The following CSMD1 variants were observed in gnomAD, a reference collection of about 807,000 sequenced individuals.
CSMD1 encodes the protein CUB and sushi domain-containing protein 1.
Under a neutral mutation model 417.5 loss-of-function variants are expected in CSMD1, and 213 were observed. The ratio of observed to expected loss-of-function variants is 0.51; its 90% CI spans 0.46 to 0.57. The LOEUF (loss-of-function observed/expected upper bound fraction) is 0.57, where lower values mean the gene tolerates loss of function less well. Ranked by LOEUF, CSMD1 falls within the 20% of genes least tolerant of loss-of-function variation. CSMD1 has a pLI of 0.00. For synonymous variants in CSMD1, 2,862 were observed against 1,736.8 expected, an observed-to-expected ratio of 1.65 and a Z score of -16.11; for missense variants, 6,923 against 4,529.7, an observed-to-expected ratio of 1.53 and a Z score of -15.17.
chr8:4,493,485 C>T (rs1263507419), intron 2 of CSMD1, among the ~76,000 whole-genome samples: 1 of 152,020 alleles, frequency 6.6e-6, no homozygotes, highest in African/African-American at 2.4e-5. Flanking sequence ...TGCTTGAGTC[C>T]AGGAGTTCAA....
chr8:3,923,127 A>T (rs1312327625), intron 5 of CSMD1, among the ~76,000 whole-genome samples: 1 of 152,170 alleles, frequency 6.6e-6, no homozygotes, highest in East Asian at 1.9e-4. Flanking sequence ...AACTCATTAA[A>T]AGAGAGCTAG....
chr8:3,845,215 C>T (rs948660146), intron 5 of CSMD1, among the ~76,000 whole-genome samples: 1 of 152,138 alleles, frequency 6.6e-6, no homozygotes, highest in Admixed American at 6.6e-5. Context: ...TATGCATCTC[C>T]TAACAATGGA....
At chr8:3,448,649 G>A (rs1238249274) in intron 12 of CSMD1, among the ~76,000 whole-genome samples, 2 of 152,052 alleles carry the variant, frequency 1.3e-5, no homozygotes, top group Non-Finnish European at 2.9e-5. Flanking sequence ...GAGCGGGGCA[G>A]CATGAGTGGA....
intron 6 of CSMD1, among the ~76,000 whole-genome samples, chr8:3,730,779 A>G (rs1273462745): frequency 6.6e-6 from 1 of 152,162 alleles, no homozygotes; most frequent in Admixed American, 6.5e-5. Flanking sequence ...CTCAGAGGTG[A>G]TACCCTTAAC....
rs529651492 is a variant in CSMD1 at position 4,612,182 on chromosome 8, TA to T, written c.302+25159del. Among the ~76,000 whole-genome samples the T allele has an allele frequency of 8.5e-3, 1,287 of 152,034 alleles. 10 individuals are homozygous for T. Among genetic ancestry groups the T allele is most frequent in the Non-Finnish European group, 0.014 (924 of 67,974 alleles). ...GGTCGGTGGCTTGAACGCTGAGTGC[TA>T]AAAAAAACTGGCTGCAGGCACACTG... On this transcript the variant is annotated intron_variant, in intron 2 of 69. Transcript: ENST00000635120.
chr8:3,861,629 C>G (rs1318549945), intron 5 of CSMD1, among the ~76,000 whole-genome samples: 1 of 152,122 alleles, frequency 6.6e-6, no homozygotes, highest in Non-Finnish European at 1.5e-5. Flanking sequence ...CTAGGTGAAG[C>G]TTGTTGTCTT....
chr8:4,876,583 T>C (rs1803055412), intron 1 of CSMD1, among the ~76,000 whole-genome samples: 1 of 152,158 alleles, frequency 6.6e-6, no homozygotes, highest in Admixed American at 6.5e-5. Context: ...TGCTTATTCA[T>C]AATATAGCCT....
rs1050189982 is a variant in CSMD1 at position 3,359,339 on chromosome 8, T to G, written c.3117A>C (p.Glu1039Asp). 3.7e-6 allele frequency: 6 copies of G among 1,612,846 alleles called. No homozygotes were observed. Among genetic ancestry groups the G allele is most frequent in the Admixed American group, 1.7e-5 (1 of 59,910 alleles). ...GATCATCACATGGCTCCAGGTCATA[T>G]TCTGAGGCATGCAGAGACAGAGTAA... ...SYEGFNITFS[E>D]YDLEPCDDPG... is the part of the protein sequence containing the mutation. The change falls in exon 21 of 70, where the codon GAA (glutamate) becomes GAC (aspartate). Residue 1039 changes from glutamate to aspartate, a missense_variant and splice_region_variant. Transcript: ENST00000635120.
chr8:3,351,248 T>C (rs1808401543), intron 21 of CSMD1, among the ~76,000 whole-genome samples: 1 of 152,158 alleles, frequency 6.6e-6, no homozygotes. Context: ...TCTAGGGTAG[T>C]GTGGCACAGG....
intron 2 of CSMD1, among the ~76,000 whole-genome samples, chr8:4,460,206 A>G (rs1267925011): frequency 6.6e-6 from 1 of 152,198 alleles, no homozygotes; most frequent in Admixed American, 6.5e-5. Flanking sequence ...GAGAAATAAT[A>G]GAATACGTGG....
intron 6 of CSMD1, among the ~76,000 whole-genome samples, chr8:3,729,430 G>C (rs1385271234): frequency 6.6e-6 from 1 of 152,138 alleles, no homozygotes; most frequent in African/African-American, 2.4e-5. Context: ...GTTAAAAGAG[G>C]GATATAATAT....
rs540071379 is a variant in CSMD1, at chr8:3,924,457, A to G, written c.818+73446T>C. Among the ~76,000 whole-genome samples the G allele has an allele frequency of 1.4e-4, 21 of 152,184 alleles. No homozygotes were observed. The East Asian group carries it at 3.5e-3, about 25-fold the overall frequency. ...TTGTCATTATTCCTCTAAGAAATTT[A>G]TCTTTCTCTGTTTCTTCTGAGACTT... On this transcript the variant is annotated intron_variant, in intron 5 of 69. Transcript: ENST00000635120.
At chr8:4,185,138 C>CAAAA (rs56216926) in intron 3 of CSMD1, among the ~76,000 whole-genome samples, 2 of 75,116 alleles carry the variant, frequency 2.7e-5, no homozygotes, top group African/African-American at 1.1e-4. Flanking sequence ...AATTTTGCCT[C>CAAAA]AAAAAAAAAA....
At chr8:3,082,673 C>T (rs1319013646) in intron 49 of CSMD1, among the ~76,000 whole-genome samples, 1 of 152,214 alleles carries the variant, frequency 6.6e-6, no homozygotes, top group Non-Finnish European at 1.5e-5. Flanking sequence ...TTCAGACCCA[C>T]AGCAACAACC....
intron 5 of CSMD1, among the ~76,000 whole-genome samples, chr8:3,875,635 G>C (rs13250531): frequency 0.066 from 10,043 of 152,210 alleles, 411 homozygotes; most frequent in South Asian, 0.16. Flanking sequence ...TTTCCTCACA[G>C]CCTCCGGAGC....
intron 1 of CSMD1, among the ~76,000 whole-genome samples, chr8:4,990,356 T>C (rs1237313957): frequency 8.4e-6 from 1 of 119,678 alleles, no homozygotes; most frequent in Non-Finnish European, 1.7e-5. Context: ...TAACTTCATT[T>C]TAAGGGGTTC....
intron 2 of CSMD1, among the ~76,000 whole-genome samples, chr8:4,500,211 G>C (rs1042673217): frequency 1.3e-5 from 2 of 152,162 alleles, no homozygotes; most frequent in Non-Finnish European, 2.9e-5. Context: ...GAACTCCAGG[G>C]AGAGGTTGGC....
At chr8:4,818,881 A>G (rs12549562) in intron 1 of CSMD1, among the ~76,000 whole-genome samples, 1 of 152,050 alleles carries the variant, frequency 6.6e-6, no homozygotes, top group Non-Finnish European at 1.5e-5. Flanking sequence ...ACTGTTTACT[A>G]AAGAAAGTTC....
chr8:4,633,245 G>C (rs572447763), intron 2 of CSMD1, among the ~76,000 whole-genome samples: 1 of 149,096 alleles, frequency 6.7e-6, no homozygotes, highest in Non-Finnish European at 1.5e-5. Flanking sequence ...TTATGTGTTC[G>C]TTTGTTTCTT....
Sources: allele counts gnomAD v4.1 joint callset (sites outside exome capture counted in the v4.1 genomes callset), GRCh38; gene constraint gnomAD v4.1.1; transcripts MANE v1.5; gene names NCBI Gene and HGNC (gene_info 2026-07-23, HGNC 2026-07-21).